Variants in KLRD1 observed in about 807,000 individuals in gnomAD.
KLRD1 encodes the protein killer cell lectin like receptor D1, also known as natural killer cells antigen CD94.
Under a neutral mutation model 22.6 loss-of-function variants are expected in KLRD1, and 21 were observed. The ratio of observed to expected loss-of-function variants is 0.93; its 90% confidence interval spans 0.66 to 1.34. KLRD1 has a LOEUF of 1.34. Among genes scored for constraint, KLRD1 ranks in the 40% most tolerant of loss-of-function variants. KLRD1 has a pLI of 0.00. For synonymous variants in KLRD1, 59 were observed against 71.1 expected (o/e 0.83, Z 0.85); for missense variants, 183 against 208.6 (o/e 0.88, Z 0.76).
upstream of KLRD1, among the ~76,000 whole-genome samples, chr12:10,300,742 T>C (rs1161180719): frequency 6.6e-6 from 1 of 152,248 alleles, no homozygotes; most frequent in Non-Finnish European, 1.5e-5. Flanking sequence ...TCTTTCAATA[T>C]AAGAAAGAAG....
intron 1 of KLRD1, among the ~76,000 whole-genome samples, chr12:10,273,608 A>C (rs890756868): frequency 3.3e-5 from 5 of 152,250 alleles, no homozygotes; most frequent in Admixed American, 3.3e-4. Flanking sequence ...AATAAACTTC[A>C]TAACAAAAGC....
rs1950313660 is a variant in KLRD1, at chr12:10,321,693, C to T, written c.*6900C>T. ...ATCTGATTTGGTGGAAGCCAGCTAC[C>T]TTGTCGTGAGCAACTCTTTTAAGCG... On this transcript the variant is annotated 3_prime_UTR_variant, in exon 6 of 6. Transcript: ENST00000336164. 6.6e-6 allele frequency: 1 copy of T among 152,160 alleles called. No individual in the cohort carries two copies. The highest frequency in any genetic ancestry group is 2.1e-4 in the South Asian group (1 of 4,824). The allele number at this position is 152,160 out of a possible 1,614,324, so 9.4% of individuals were successfully genotyped here. A position where few individuals can be genotyped will look rare whatever the true frequency, so the allele number is the denominator to read the frequency against.
chr12:10,297,661 C>T (rs979775770), intron 1 of KLRD1, among the ~76,000 whole-genome samples: 1 of 152,126 alleles, frequency 6.6e-6, no homozygotes, highest in African/African-American at 2.4e-5. Context: ...TGACAAATTG[C>T]AAATTATTTC....
intron 1 of KLRD1, among the ~76,000 whole-genome samples, chr12:10,297,955 C>T (rs1018170986): frequency 1.3e-5 from 2 of 152,162 alleles, no homozygotes; most frequent in Admixed American, 6.5e-5. Flanking sequence ...GAGTCACTTA[C>T]TTGAACTTCT....
At chr12:10,247,455 T>C (rs774564634) in intron 1 of KLRD1, among the ~76,000 whole-genome samples, 9 of 152,214 alleles carry the variant, frequency 5.9e-5, no homozygotes, top group Non-Finnish European at 1.2e-4. Flanking sequence ...AATTTTTGTA[T>C]AACATTTTTA....
rs563082136 is a variant in KLRD1 at position 10,318,331 on chromosome 12, C to T, written c.*3538C>T. 6.6e-6 allele frequency: 1 copy of T among 152,192 alleles called. No homozygotes were observed. Among genetic ancestry groups the T allele is most frequent in the South Asian group, 2.1e-4 (1 of 4,820 alleles). 9.4% of individuals were successfully genotyped at this position (152,192 alleles called of 1,614,324 possible). On this transcript the variant is annotated 3_prime_UTR_variant, in exon 6 of 6. Transcript: ENST00000336164. ...GGGTCAATTTGTTTATTGATAGCTTCCATATGAGATAATTACAGATCTTGT... is the reference window on the plus strand; with the variant it reads ...GGGTCAATTTGTTTATTGATAGCTTTCATATGAGATAATTACAGATCTTGT...
intron 1 of KLRD1, among the ~76,000 whole-genome samples, chr12:10,294,182 T>C (rs1381031406): frequency 6.6e-6 from 1 of 152,222 alleles, no homozygotes; most frequent in Non-Finnish European, 1.5e-5. Flanking sequence ...CACCCAAATA[T>C]GTGTTCTTTA....
upstream of KLRD1, among the ~76,000 whole-genome samples, chr12:10,302,792 T>C (rs1949878235): frequency 6.6e-6 from 1 of 151,840 alleles, no homozygotes; most frequent in Non-Finnish European, 1.5e-5. Flanking sequence ...AAACCAACCT[T>C]AACTTCTACA....
In KLRD1 at chr12:10,308,052, A is replaced by G; in HGVS notation, c.-26A>G. 1 of 1,608,462 alleles carries G rather than the reference A, an allele frequency of 6.2e-7. No homozygotes were observed. Among genetic ancestry groups the G allele is most frequent in the Non-Finnish European group, 8.5e-7 (1 of 1,174,964 alleles). ...AAAAAGTACACATCGTGCCTTCTCT[A>G]CTTCGCTCTTGGAACATAATTTCTC... On this transcript the variant is annotated 5_prime_UTR_variant, in exon 1 of 6. Coordinates refer to ENST00000336164, the MANE Select transcript of KLRD1 (RefSeq NM_002262.5).
intron 1 of KLRD1, among the ~76,000 whole-genome samples, chr12:10,271,198 G>A (rs1949547091): frequency 6.6e-6 from 1 of 151,668 alleles, no homozygotes; most frequent in South Asian, 2.1e-4. Context: ...TTCTGTGACC[G>A]TTTTGATAAA....
intron 1 of KLRD1, among the ~76,000 whole-genome samples, chr12:10,278,373 G>A (rs1949610331): frequency 1.3e-5 from 2 of 152,070 alleles, no homozygotes; most frequent in South Asian, 4.1e-4. Context: ...TATCAAAAAA[G>A]CCACTTATAA....
chr12:10,313,235 T>G (rs1315524142), intron 4 of KLRD1, among the ~76,000 whole-genome samples, 175 bp from the exon 5 acceptor site: 1 of 152,196 alleles, frequency 6.6e-6, no homozygotes, highest in Admixed American at 6.5e-5. Flanking sequence ...ATGGGCCTGA[T>G]AAATGAGAAC....
Position 10,262,183 on chromosome 12 carries a change from A to G in KLRD1, c.-101+35950A>G, listed in dbSNP as rs116837218. On this transcript the variant is annotated intron_variant, in intron 1 of 5. Transcript: ENST00000544747. ...TTGATAATTATCTGATGTGTAAGAA[A>G]ATGTAAGAATGAATACCACATTATA... is the stretch of plus-strand genomic sequence containing the variant. 7.1e-3 allele frequency among the ~76,000 whole-genome samples: 1,077 copies of G among 152,200 alleles called. 17 individuals carry two copies. Among genetic ancestry groups the G allele is most frequent in the African/African-American group, 0.024 (996 of 41,562 alleles).
intron 1 of KLRD1, among the ~76,000 whole-genome samples, chr12:10,272,739 CTA>C (rs1187554576): frequency 6.6e-6 from 1 of 152,156 alleles, no homozygotes; most frequent in African/African-American, 2.4e-5. Context: ...AATATGTAAA[CTA>C]TGTTTTTGAC....
chr12:10,291,171 A>G (rs1410468199), intron 1 of KLRD1, among the ~76,000 whole-genome samples: 1 of 152,222 alleles, frequency 6.6e-6, no homozygotes, highest in Admixed American at 6.5e-5. Flanking sequence ...AATGTTAACA[A>G]TCAGCTGAGC....
chr12:10,246,829 C>T (rs566333775), intron 1 of KLRD1, among the ~76,000 whole-genome samples: 1 of 152,022 alleles, frequency 6.6e-6, no homozygotes, highest in Non-Finnish European at 1.5e-5. Flanking sequence ...TAATGAACCA[C>T]ATTGAAGTCT....
chr12:10,301,788 C>T (rs992148878), upstream of KLRD1, among the ~76,000 whole-genome samples: 5 of 152,226 alleles, frequency 3.3e-5, no homozygotes, highest in Non-Finnish European at 7.3e-5. Flanking sequence ...GTTTCAGCCT[C>T]ATCTCAGTTT....
chr12:10,263,439 G>A (rs1301202122), intron 1 of KLRD1, among the ~76,000 whole-genome samples: 2 of 151,846 alleles, frequency 1.3e-5, no homozygotes, highest in African/African-American at 4.8e-5. Flanking sequence ...ATATTTTTAT[G>A]AATCTGGCAC....
intron 1 of KLRD1, among the ~76,000 whole-genome samples, chr12:10,245,964 G>A (rs76761385): frequency 2.0e-5 from 3 of 152,276 alleles, no homozygotes; most frequent in East Asian, 1.9e-4. Context: ...GATTACAGAT[G>A]TGAGCTACCA....
Sources: gnomAD v4.1 joint callset for allele counts (sites outside exome capture counted in the v4.1 genomes callset) on GRCh38, gnomAD v4.1.1 for gene constraint, MANE v1.5 for transcripts, NCBI Gene and HGNC (gene_info 2026-07-23, HGNC 2026-07-21) for gene names.